The following DNM3 variants were observed in gnomAD, a reference collection of about 807,000 sequenced individuals.
DNM3 encodes the protein dynamin 3, also known as dynamin-3.
Under a neutral mutation model 101.6 loss-of-function variants are expected in DNM3, and 47 were observed. That is an observed-to-expected ratio of 0.46 (90% CI 0.37 to 0.59). The LOEUF is 0.59. Ranked by LOEUF, DNM3 falls within the 20% of genes least tolerant of loss-of-function variation. The pLI is 0.00. For missense variants in DNM3, 849 were observed against 1,085.7 expected, an observed-to-expected ratio of 0.78 and a Z score of 3.06; for synonymous variants, 385 against 387.9, an observed-to-expected ratio of 0.99 and a Z score of 0.09.
At chr1:172,140,697 C>A (rs907010169) in intron 14 of DNM3, 2 of 151,856 alleles carry the variant, frequency 1.3e-5, no homozygotes, top group African/African-American at 4.8e-5. Flanking sequence ...GCCAGAAAAA[C>A]CACAACAGTT....
rs868591202 is a variant in DNM3, at chr1:171,931,959, G to A, written c.235+10138G>A. On this transcript the variant is annotated intron_variant, in intron 2 of 20. Coordinates refer to ENST00000627582, the MANE Select transcript of DNM3 (RefSeq NM_015569.5). ...AATATTTATTATTTTTTTAATCCAAGGACCATAATGTATCTTTTCCTTCCC... is the reference window on the plus strand; with the variant it reads ...AATATTTATTATTTTTTTAATCCAAAGACCATAATGTATCTTTTCCTTCCC... Among the ~76,000 whole-genome samples, 8 of 150,500 alleles carry A rather than the reference G, an allele frequency of 5.3e-5. 1 individual carries two copies. Among genetic ancestry groups the A allele is most frequent in the Middle Eastern group, 7.1e-3 (2 of 282 alleles).
At chr1:172,143,069 T>C (rs1158935402) in intron 14 of DNM3, among the ~76,000 whole-genome samples, 2 of 152,096 alleles carry the variant, frequency 1.3e-5, no homozygotes, top group Non-Finnish European at 2.9e-5. Flanking sequence ...TGAGAATACT[T>C]AATGTTTTCT....
At chr1:171,844,993 C>T (rs1433199858) in intron 1 of DNM3, among the ~76,000 whole-genome samples, 1 of 152,120 alleles carries the variant, frequency 6.6e-6, no homozygotes, top group African/African-American at 2.4e-5. Context: ...AGTCCTCATA[C>T]AACCCCAAAG....
intron 13 of DNM3, among the ~76,000 whole-genome samples, chr1:172,108,977 GTCA>G (rs898050547): frequency 6.6e-6 from 1 of 152,114 alleles, no homozygotes; most frequent in Non-Finnish European, 1.5e-5. Flanking sequence ...ACTAAATATA[GTCA>G]TCATAATTTA....
At chr1:172,274,013 AG>A (rs1463425562) in intron 15 of DNM3, among the ~76,000 whole-genome samples, 1 of 152,072 alleles carries the variant, frequency 6.6e-6, no homozygotes, top group East Asian at 1.9e-4. Flanking sequence ...TTACTTGTGA[AG>A]AATCAATATT....
intron 1 of DNM3, among the ~76,000 whole-genome samples, chr1:171,895,670 T>C (rs1019460935): frequency 2.0e-5 from 3 of 152,186 alleles, no homozygotes; most frequent in African/African-American, 7.2e-5. Flanking sequence ...ATTTTGGCTT[T>C]TGTTGCCATT....
chr1:172,148,242 CT>C (rs1011418935), intron 14 of DNM3, among the ~76,000 whole-genome samples: 1 of 150,858 alleles, frequency 6.6e-6, no homozygotes, highest in Admixed American at 6.6e-5. Flanking sequence ...TGTATTTAAA[CT>C]TTTTTTTCCT....
At chr1:172,312,508 C>T (rs1366426000) in intron 16 of DNM3, among the ~76,000 whole-genome samples, 1 of 152,126 alleles carries the variant, frequency 6.6e-6, no homozygotes, top group African/African-American at 2.4e-5. Flanking sequence ...TTTTAAAATA[C>T]ATTCTCACTA....
At chr1:172,177,157 T>C (rs1263554322) in intron 14 of DNM3, among the ~76,000 whole-genome samples, 2 of 151,830 alleles carry the variant, frequency 1.3e-5, no homozygotes, top group Non-Finnish European at 2.9e-5. Flanking sequence ...TTTTCAAAGT[T>C]TCTTTTGCAG....
intron 13 of DNM3, among the ~76,000 whole-genome samples, chr1:172,115,576 G>A (rs1037755982): frequency 6.6e-6 from 1 of 152,106 alleles, no homozygotes; most frequent in African/African-American, 2.4e-5. Context: ...AAGTTCCTAA[G>A]GCTCCTCCCC....
intron 16 of DNM3, chr1:172,310,651 A>G (rs2148878950): frequency 6.6e-6 from 1 of 152,398 alleles, no homozygotes; most frequent in East Asian, 1.9e-4. Context: ...GAAGATAGCA[A>G]GTGCAAAACC....
chr1:172,280,412 G>A (rs1252181372), intron 15 of DNM3, among the ~76,000 whole-genome samples: 3 of 152,130 alleles, frequency 2.0e-5, no homozygotes, highest in African/African-American at 4.8e-5. Context: ...GCTCTATCCT[G>A]AGGGCCTAGA....
chr1:172,173,146 T>G (rs1028423160), intron 14 of DNM3, among the ~76,000 whole-genome samples: 11 of 151,742 alleles, frequency 7.2e-5, no homozygotes, highest in African/African-American at 2.7e-4. Context: ...ATTTCAGAAG[T>G]GACTGCAATG....
chr1:171,853,856 C>T (rs1196932789), intron 1 of DNM3, among the ~76,000 whole-genome samples: 2 of 152,202 alleles, frequency 1.3e-5, no homozygotes, highest in Non-Finnish European at 2.9e-5. Context: ...GCAGTCCCCT[C>T]CCTCCCCTTT....
chr1:171,930,373 TC>T (rs1191475919), intron 2 of DNM3, among the ~76,000 whole-genome samples: 3 of 152,170 alleles, frequency 2.0e-5, no homozygotes, highest in African/African-American at 2.4e-5. Flanking sequence ...CCCCCTGGAT[TC>T]AGCCTCTTTC....
At chr1:172,211,714 A>C (rs1347839538) in intron 14 of DNM3, among the ~76,000 whole-genome samples, 1 of 152,142 alleles carries the variant, frequency 6.6e-6, no homozygotes, top group Non-Finnish European at 1.5e-5. Context: ...GCGAAAGGAA[A>C]AACTCTGGAT....
At chr1:172,324,979 G>T (rs564240063) in intron 17 of DNM3, among the ~76,000 whole-genome samples, 2 of 152,068 alleles carry the variant, frequency 1.3e-5, no homozygotes, top group East Asian at 1.9e-4. Flanking sequence ...TTTAGGATTT[G>T]TCTCTTTCAC....
intron 15 of DNM3, among the ~76,000 whole-genome samples, chr1:172,270,171 A>G (rs1486347587): frequency 6.6e-6 from 1 of 152,082 alleles, no homozygotes. Flanking sequence ...TCTGGCAGCC[A>G]TAAGTGTTTT....
intron 17 of DNM3, among the ~76,000 whole-genome samples, chr1:172,357,035 G>C (rs547321896): frequency 8.7e-4 from 133 of 152,112 alleles, no homozygotes; most frequent in Non-Finnish European, 1.7e-3. Flanking sequence ...ATAATCCATA[G>C]AATAAAATAA....
Sources: allele counts gnomAD v4.1 joint callset (sites outside exome capture counted in the v4.1 genomes callset), GRCh38; gene constraint gnomAD v4.1.1; transcripts MANE v1.5; gene names NCBI Gene and HGNC (gene_info 2026-07-23, HGNC 2026-07-21).